Variants in SAFB2 observed in about 807,000 individuals in gnomAD.
SAFB2 encodes scaffold attachment factor B2.
SAFB2 carries 32 observed loss-of-function variants against 100.6 expected under a neutral mutation model. The ratio of observed to expected loss-of-function variants is 0.32; its 90% confidence interval spans 0.24 to 0.43. SAFB2 has a LOEUF of 0.43. SAFB2 is among the 20% of genes least tolerant of loss of function. The pLI, the probability that SAFB2 is intolerant of heterozygous loss-of-function variation, is 1.00. For missense variants in SAFB2, 1,185 were observed against 1,163.4 expected, an observed-to-expected ratio of 1.02 and a Z score of -0.27; for synonymous variants, 500 against 439.4, an observed-to-expected ratio of 1.14 and a Z score of -1.72.
intron 9 of SAFB2, among the ~76,000 whole-genome samples, chr19:5,609,738 G>A (rs536967348): frequency 1.2e-4 from 19 of 152,304 alleles, no homozygotes; most frequent in Admixed American, 1.2e-3. Flanking sequence ...GCCCTGCTCC[G>A]CACCCTAGTT....
At chr19:5,605,497 C>T (rs1388393115) in intron 9 of SAFB2, among the ~76,000 whole-genome samples, 1 of 152,204 alleles carries the variant, frequency 6.6e-6, no homozygotes, top group Non-Finnish European at 1.5e-5. Context: ...TCATTACTCA[C>T]AACTAATAAC....
chr19:5,604,989 C>T lies in SAFB2; in HGVS notation c.1297-53G>A, dbSNP rs1473559118. On this transcript the variant is annotated intron_variant, in intron 9 of 20. Transcript: ENST00000252542. ...CTCATACAAATGACCACACAACTTG[C>T]TAAAGTTATTACCTGGCAATCAGAA... The T allele has an allele frequency of 3.2e-6, 5 of 1,579,508 alleles. No homozygotes were observed. In the African/African-American group the frequency reaches 6.7e-5, roughly 21 times the overall value.
At chr19:5,593,835 G>C in intron 15 of SAFB2, 56 bp downstream of exon 15, 1 of 1,392,680 alleles carries the variant, frequency 7.2e-7, no homozygotes, top group Non-Finnish European at 9.3e-7. Flanking sequence ...TGCTGGAAGG[G>C]TGAACACCGC....
At chr19:5,605,253 C>T (rs1344055559) in intron 9 of SAFB2, among the ~76,000 whole-genome samples, 6 of 151,966 alleles carry the variant, frequency 3.9e-5, no homozygotes, top group African/African-American at 4.8e-5. Flanking sequence ...TACAGGCGCC[C>T]GCCACCACGC....
rs2052590414 is a variant in SAFB2 at position 5,598,856 on chromosome 19, C to T, written c.1719G>A (p.Val573=). The T allele has an allele frequency of 3.1e-6, 5 of 1,614,146 alleles. No homozygotes were observed. Among genetic ancestry groups the T allele is most frequent in the African/African-American group, 1.3e-5 (1 of 75,040 alleles). ...CGGGCTCTCCTTTCGATTTATCCAT[C>T]ACGACCGTCCGCTCCATTCCTCTGC... ...SGSRGMERTV[V]MDKSKGEPVI... The change falls in exon 13 of 21, where the codon GTG becomes GTA. Residue 573 remains valine (V), a synonymous_variant. Transcript: ENST00000252542.
In SAFB2 at chr19:5,609,908, G is replaced by A; in HGVS notation, c.1296+87C>T. On this transcript the variant is annotated intron_variant, in intron 9 of 20. Transcript: ENST00000252542. ...CTGCCTCAGCCTCCCAAACTGCTGGGATTATAGACGTGAACCACCGTGCCC... is the reference window on the plus strand; with the variant it reads ...CTGCCTCAGCCTCCCAAACTGCTGGAATTATAGACGTGAACCACCGTGCCC... 6 of 1,186,000 alleles carry A rather than the reference G, an allele frequency of 5.1e-6. No homozygotes were observed. The South Asian group carries it at 7.8e-5, about 15-fold the overall frequency. The allele number at this position is 1,186,000 out of a possible 1,614,324, so 73.5% of individuals were successfully genotyped here.
chr19:5,613,363 A>G, intron 5 of SAFB2, 102 bp downstream of exon 5: 1 of 1,033,498 alleles, frequency 9.7e-7, no homozygotes, highest in South Asian at 1.5e-5. Context: ...CATCCAGCAC[A>G]GTATCCAGTC....
chr19:5,604,058 G>C (rs1356471272), intron 11 of SAFB2, among the ~76,000 whole-genome samples: 2 of 152,188 alleles, frequency 1.3e-5, no homozygotes, highest in African/African-American at 2.4e-5. Flanking sequence ...ACATGCTGAG[G>C]ATCAACTGTA....
rs1187145280 is a variant in SAFB2 at position 5,591,645 on chromosome 19, T to C, written c.2394+103A>G. ...ATACCCGCCACACGTGCTGACTTGG[T>C]TGCCACCTCTCTGGGATCAAGCGGC... On this transcript the variant is annotated intron_variant, in intron 17 of 20. Transcript: ENST00000252542. 4.5e-6 allele frequency: 5 copies of C among 1,119,610 alleles called. No individual in the cohort carries two copies. In the South Asian group the frequency reaches 5.2e-5, roughly 12 times the overall value. 69.4% of individuals were successfully genotyped at this position (1,119,610 alleles called of 1,614,324 possible).
intron 11 of SAFB2, 60 bp from the exon 12 acceptor site, chr19:5,600,320 A>G: frequency 1.9e-6 from 3 of 1,589,016 alleles, no homozygotes; most frequent in Non-Finnish European, 2.6e-6. Context: ...GGAACGGCTC[A>G]CCCAGAGCCT....
At chr19:5,608,143 T>C (rs1417005630) in intron 9 of SAFB2, among the ~76,000 whole-genome samples, 1 of 152,166 alleles carries the variant, frequency 6.6e-6, no homozygotes, top group Non-Finnish European at 1.5e-5. Flanking sequence ...CCTACGTCCT[T>C]CTGTTTTTGT....
chr19:5,608,049 C>A (rs1456716506), intron 9 of SAFB2, among the ~76,000 whole-genome samples: 1 of 152,194 alleles, frequency 6.6e-6, no homozygotes, highest in African/African-American at 2.4e-5. Context: ...CTTGTATGTC[C>A]CTATCCCTGA....
chr19:5,610,676 T>G lies in SAFB2; in HGVS notation c.1158A>C (p.Glu386Asp), dbSNP rs200078652. 1 of 1,564,498 alleles carries G rather than the reference T, an allele frequency of 6.4e-7. No homozygotes were observed. Among genetic ancestry groups the G allele is most frequent in the African/African-American group, 1.4e-5 (1 of 73,562 alleles). ...GADQKMSSFK[E>D]EKDIKPIIKD... is the part of the protein sequence containing the mutation. ...TAATGATTGGCTTTATATCTTTTTC[T>G]TCCTTAAAAGAGCTAGAGACAAAAG... Residue 386 changes from glutamate to aspartate, a missense_variant, in exon 8 of 21, where the codon GAA becomes GAC. Physicochemically the swap from Glu to Asp is conservative, Grantham distance 45. This residue lies in a region of SAFB2 where 351 missense variants were observed against 341.2 expected (regional missense o/e 1.03). Coordinates refer to ENST00000252542, the MANE Select transcript of SAFB2 (RefSeq NM_014649.3).
chr19:5,597,718 G>A lies in SAFB2; in HGVS notation c.1782+1075C>T, dbSNP rs529113028. 9.2e-5 allele frequency among the ~76,000 whole-genome samples: 14 copies of A among 152,274 alleles called. No individual in the cohort carries two copies. The South Asian group carries it at 2.7e-3, about 29-fold the overall frequency. ...TGTTTTCAACATCACAGTTACATGGGGGTAAGAGTATGGGTCTTTTTCAAT... is the reference window on the plus strand; with the variant it reads ...TGTTTTCAACATCACAGTTACATGGAGGTAAGAGTATGGGTCTTTTTCAAT... On this transcript the variant is annotated intron_variant, in intron 13 of 20. Coordinates refer to ENST00000252542, the MANE Select transcript of SAFB2 (RefSeq NM_014649.3).
At chr19:5,608,316 C>T (rs1234359473) in intron 9 of SAFB2, among the ~76,000 whole-genome samples, 1 of 152,200 alleles carries the variant, frequency 6.6e-6, no homozygotes, top group Non-Finnish European at 1.5e-5. Context: ...CATCACAACA[C>T]ATCATATGTG....
In SAFB2 at chr19:5,612,678, A is replaced by C. The variant is rs568060415; in HGVS notation, c.607-111T>G. On this transcript the variant is annotated intron_variant, in intron 5 of 20. Transcript: ENST00000252542. The stretch of plus-strand genomic sequence containing the variant: ...CTGTGAATAAATGCCTGTTTCCACA[A>C]AACTTTCTTGTCTCCAAAAAATGTA... 16 of 833,152 alleles carry C rather than the reference A, an allele frequency of 1.9e-5. No homozygotes were observed. In the East Asian group the frequency reaches 2.2e-4, roughly 12 times the overall value. 51.6% of individuals were successfully genotyped at this position (833,152 alleles called of 1,614,324 possible). A position where few individuals can be genotyped will look rare whatever the true frequency, so the allele number is the denominator to read the frequency against.
Position 5,587,972 on chromosome 19 carries a change from C to T in SAFB2, c.2534G>A (p.Arg845His), listed in dbSNP as rs764613505. 10 of 1,611,058 alleles carry T rather than the reference C, an allele frequency of 6.2e-6. No homozygotes were observed. The highest frequency in any genetic ancestry group is 4.5e-5 in the East Asian group (2 of 44,834). ...RGLPPPPRGG[R>H]DWGEHNQRLE... Reference sequence around the variant, plus strand: ...CCGCTGGTTGTGCTCTCCCCAGTCACGGCCACCCCTTTGCCAAAAGAAAAA... The same window carrying T: ...CCGCTGGTTGTGCTCTCCCCAGTCATGGCCACCCCTTTGCCAAAAGAAAAA... Residue 845 changes from arginine (R) to histidine (H), a missense_variant, in exon 19 of 21, where the codon CGT (arginine) becomes CAT (histidine). Around this residue, in one of 3 missense-constraint regions of SAFB2, gnomAD observed 740 missense variants for 687.1 expected, o/e 1.08. Transcript: ENST00000252542. This position sits in a 1 kb window ranked among gnomAD's most constrained non-coding sequence, Gnocchi z 4.9.
rs370384681 is a variant in SAFB2, at chr19:5,587,219, C to T, written c.*24G>A. On this transcript the variant is annotated 3_prime_UTR_variant, in exon 21 of 21. Coordinates refer to ENST00000252542, the MANE Select transcript of SAFB2 (RefSeq NM_014649.3). The surrounding 1 kb of genome is among the most constrained non-coding windows in gnomAD (Gnocchi z 4.9). The stretch of plus-strand genomic sequence containing the variant: ...CAGATTCAACAGTGCGTCTGCCCAC[C>T]CGAAAACTCGCAGCGAGTGGGACTT... 2 of 1,607,272 alleles carry T rather than the reference C, an allele frequency of 1.2e-6. No homozygotes were observed. The highest frequency in any genetic ancestry group is 1.7e-6 in the Non-Finnish European group (2 of 1,175,272).
intron 18 of SAFB2, 66 bp downstream of exon 18, chr19:5,590,212 C>A: frequency 2.3e-6 from 3 of 1,308,348 alleles, no homozygotes; most frequent in South Asian, 1.6e-5. Context: ...ACGTGCCTGG[C>A]CAGGCACCAA....
Sources: gnomAD v4.1 joint callset for allele counts (sites outside exome capture counted in the v4.1 genomes callset) on GRCh38, gnomAD v4.1.1 for gene constraint, gnomAD v4.1.1 regional missense constraint, Gnocchi (gnomAD v3.1) non-coding constraint, MANE v1.5 for transcripts, NCBI Gene and HGNC (gene_info 2026-07-23, HGNC 2026-07-21) for gene names.